ATIC: variants seen among roughly 807,000 people sequenced by gnomAD.
ATIC encodes 5-aminoimidazole-4-carboxamide ribonucleotide formyltransferase/IMP cyclohydrolase, also known as bifunctional purine biosynthesis protein ATIC.
In ATIC, 64 loss-of-function variants were observed where a neutral mutation model predicts 72.5. The observed-to-expected ratio is 0.88, with a 90% CI of 0.72 to 1.09. ATIC has a LOEUF of 1.09. Ranked by LOEUF, ATIC falls within the 50% of genes least tolerant of loss-of-function variation. The pLI is 0.00. For missense variants in ATIC, 787 were observed against 732.4 expected (o/e 1.07, Z -0.86); for synonymous variants, 281 against 267.1 (o/e 1.05, Z -0.51).
intron 2 of ATIC, among the ~76,000 whole-genome samples, chr2:215,313,137 C>T (rs890058401): frequency 3.9e-5 from 6 of 152,186 alleles, no homozygotes; most frequent in African/African-American, 9.7e-5. Flanking sequence ...CAAGTTTAAA[C>T]AGTTGAGTAA....
intron 1 of ATIC, 71 bp from the exon 2 acceptor site, chr2:215,312,427 A>C (rs902409574): frequency 6.2e-7 from 1 of 1,612,032 alleles, no homozygotes; most frequent in Non-Finnish European, 8.5e-7. Flanking sequence ...CCTCCCCCAG[A>C]CCCTCCCAAG....
the ATIC span, chr2:215,364,590 T>C: frequency 2.0e-6 from 1 of 501,902 alleles, no homozygotes; most frequent in Admixed American, 3.2e-5. Flanking sequence ...TCTAACATCA[T>C]ATAAATGACA....
the ATIC span, among the ~76,000 whole-genome samples, chr2:215,358,906 G>A: frequency 1.3e-5 from 2 of 152,106 alleles, no homozygotes; most frequent in Non-Finnish European, 2.9e-5. Flanking sequence ...TTTTTGAGAC[G>A]AAGTCTCACT....
the ATIC span, among the ~76,000 whole-genome samples, chr2:215,366,640 A>G: frequency 6.6e-6 from 1 of 152,206 alleles, no homozygotes; most frequent in African/African-American, 2.4e-5. Flanking sequence ...TTATATAACA[A>G]TATACTACTT....
chr2:215,364,976 G>T, the ATIC span: 1 of 1,571,946 alleles, frequency 6.4e-7, no homozygotes, highest in Non-Finnish European at 8.6e-7. Context: ...ATCATAACAC[G>T]TTGCCTCATC....
intron 13 of ATIC, among the ~76,000 whole-genome samples, chr2:215,346,538 A>T (rs375913975): frequency 6.6e-6 from 1 of 151,662 alleles, no homozygotes; most frequent in East Asian, 1.9e-4. Flanking sequence ...ATTAATAGTC[A>T]TATGTCACAT....
In ATIC at chr2:215,312,117, T is replaced by C; in HGVS notation, c.-26T>C. ...TGGTGCCGCCGCTGCTGCCTCCCGC[T>C]CGCCCTGAACCCAGTGCCTGCAGCC... On this transcript the variant is annotated 5_prime_UTR_variant, in exon 1 of 16. Transcript: ENST00000236959. 6.5e-7 allele frequency: 1 copy of C among 1,530,526 alleles called. No individual in the cohort carries two copies. Among genetic ancestry groups the C allele is most frequent in the Admixed American group, 2.0e-5 (1 of 50,772 alleles). 94.8% of individuals were successfully genotyped at this position (1,530,526 alleles called of 1,614,324 possible). A position where few individuals can be genotyped will look rare whatever the true frequency, so the allele number is the denominator to read the frequency against.
At chr2:215,322,496 AT>A (rs928528788) in intron 4 of ATIC, among the ~76,000 whole-genome samples, 2 of 151,058 alleles carry the variant, frequency 1.3e-5, no homozygotes, top group African/African-American at 4.9e-5. Flanking sequence ...CGCCCAGCTA[AT>A]TTTTTTGTGT....
chr2:215,315,273 T>G (rs751818426), intron 2 of ATIC, among the ~76,000 whole-genome samples: 5 of 152,226 alleles, frequency 3.3e-5, no homozygotes, highest in African/African-American at 7.2e-5. Flanking sequence ...TTTTAGTTTC[T>G]GTAAACTGCC....
chr2:215,365,529 T>G, the ATIC span: 5 of 1,613,988 alleles, frequency 3.1e-6, no homozygotes, highest in Admixed American at 8.3e-5. Context: ...AATTCTCCTT[T>G]TCCGTTCCCA....
chr2:215,312,733 T>C (rs1270335602), intron 2 of ATIC, 109 bp downstream of exon 2: 1 of 1,532,326 alleles, frequency 6.5e-7, no homozygotes, highest in Non-Finnish European at 8.9e-7. Flanking sequence ...CCAGTAGCGC[T>C]GTGAGGTTGG....
At chr2:215,312,967 C>T (rs1280167008) in intron 2 of ATIC, among the ~76,000 whole-genome samples, 2 of 152,168 alleles carry the variant, frequency 1.3e-5, no homozygotes, top group Non-Finnish European at 2.9e-5. Context: ...TATGGTGGCA[C>T]ACGCCTGTAA....
chr2:215,340,613 G>A (rs1457272959), intron 12 of ATIC, among the ~76,000 whole-genome samples: 1 of 152,146 alleles, frequency 6.6e-6, no homozygotes, highest in Non-Finnish European at 1.5e-5. Flanking sequence ...GGCAGATAAG[G>A]TGTAGGAGGT....
At chr2:215,319,591 A>T (rs1018320990) in intron 3 of ATIC, 74 bp from the exon 4 acceptor site, 8 of 1,078,086 alleles carry the variant, frequency 7.4e-6, no homozygotes, top group Non-Finnish European at 1.2e-5. Context: ...GATTGAAGAC[A>T]CTATGTTGAA....
At chr2:215,329,776 T>C (rs900931020) in intron 7 of ATIC, among the ~76,000 whole-genome samples, 9 of 152,154 alleles carry the variant, frequency 5.9e-5, no homozygotes, top group Non-Finnish European at 1.2e-4. Context: ...TACTCTTTTT[T>C]TTTTGAGGCA....
intron 13 of ATIC, 40 bp from the exon 14 acceptor site, chr2:215,346,719 C>T: frequency 6.2e-7 from 1 of 1,606,840 alleles, no homozygotes. Flanking sequence ...AAGAAAGTGT[C>T]TTTGGAAGAG....
In ATIC at chr2:215,326,152, T is replaced by C. The variant is rs781182107; in HGVS notation, c.531+14T>C. On this transcript the variant is annotated intron_variant, in intron 6 of 15. Transcript: ENST00000236959. ...TTAGCCTTGAAGGTGGGATGCACTTTCATGATATTGTAAGTTACATCCATG... is the reference window on the plus strand; with the variant it reads ...TTAGCCTTGAAGGTGGGATGCACTTCCATGATATTGTAAGTTACATCCATG... 1 of 1,613,696 alleles carries C rather than the reference T, an allele frequency of 6.2e-7. No homozygotes were observed. The highest frequency in any genetic ancestry group is 1.1e-5 in the South Asian group (1 of 91,056).
At chr2:215,342,113 A>G (rs1315620679) in intron 12 of ATIC, among the ~76,000 whole-genome samples, 3 of 152,132 alleles carry the variant, frequency 2.0e-5, no homozygotes, top group Non-Finnish European at 2.9e-5. Context: ...CTGTTGACAC[A>G]TGGGGATTAT....
chr2:215,357,073 C>T, the ATIC span, among the ~76,000 whole-genome samples: 4 of 152,180 alleles, frequency 2.6e-5, no homozygotes, highest in African/African-American at 9.7e-5. Context: ...CCAGTTGCTC[C>T]ACCATCGCCG....
Sources: gnomAD v4.1 joint callset for allele counts (sites outside exome capture counted in the v4.1 genomes callset) on GRCh38, gnomAD v4.1.1 for gene constraint, MANE v1.5 for transcripts, NCBI Gene and HGNC (gene_info 2026-07-23, HGNC 2026-07-21) for gene names.